OPHN1: variants seen among roughly 807,000 people sequenced by gnomAD.
OPHN1 encodes oligophrenin-1.
A neutral mutation model predicts 60.7 loss-of-function variants in OPHN1; 11 were observed. The observed-to-expected ratio is 0.18, with a 90% CI of 0.11 to 0.30. OPHN1 has a LOEUF of 0.30. Among genes scored for constraint, OPHN1 ranks in the 10% least tolerant of loss-of-function variants. OPHN1 has a pLI of 1.00. For synonymous variants in OPHN1, 226 were observed against 222.6 expected (o/e 1.02, Z -0.14); for missense variants, 449 against 611.0 (o/e 0.73, Z 2.80).
chrX:68,375,838 T>A (rs925561438), intron 2 of OPHN1, among the ~76,000 whole-genome samples: 1 of 111,484 alleles, frequency 9.0e-6, no homozygotes, highest in Non-Finnish European at 1.9e-5. Context: ...ACTATTATAA[T>A]CTTCATTTTA....
At position 68,433,276 on chromosome X, in the gene OPHN1, C is replaced by T; in HGVS notation, c.-113G>A. The T allele has an allele frequency of 2.6e-6, 1 of 383,390 alleles. No homozygotes were observed. Among genetic ancestry groups the T allele is most frequent in the Non-Finnish European group, 4.5e-6 (1 of 221,866 alleles). 31.6% of individuals were successfully genotyped at this position (383,390 alleles called of 1,213,427 possible). On this transcript the variant is annotated 5_prime_UTR_variant, in exon 1 of 25. Coordinates refer to ENST00000355520, the MANE Select transcript of OPHN1 (RefSeq NM_002547.3). ...GCTAACTATCGCAGTCGGATCCCGG[C>T]AGGGTGCTGCCTAGCAAGCAGCATG...
At chrX:68,428,819 C>A (rs1172784260) in intron 2 of OPHN1, among the ~76,000 whole-genome samples, 3 of 111,614 alleles carry the variant, frequency 2.7e-5, no homozygotes, top group Non-Finnish European at 5.6e-5. Context: ...AATATAGTCA[C>A]CTTTCAGAGG....
intron 2 of OPHN1, among the ~76,000 whole-genome samples, chrX:68,379,261 AT>A (rs995016454): frequency 1.8e-5 from 2 of 111,313 alleles, no homozygotes; most frequent in African/African-American, 6.5e-5. Context: ...AATGCTTATG[AT>A]TTTTGCACAT....
At chrX:68,418,623 G>A (rs1051573147) in intron 2 of OPHN1, among the ~76,000 whole-genome samples, 9 of 111,637 alleles carry the variant, frequency 8.1e-5, no homozygotes, top group Non-Finnish European at 1.5e-4. Flanking sequence ...CCACCTCTAG[G>A]AGCCAGAAGA....
At chrX:68,427,131 T>C (rs1205767183) in intron 2 of OPHN1, among the ~76,000 whole-genome samples, 1 of 103,150 alleles carries the variant, frequency 9.7e-6, no homozygotes, top group Non-Finnish European at 2.0e-5. Context: ...AGCATGGGCA[T>C]GGTGGCATGC....
rs148006295 is a variant in OPHN1, at chrX:68,293,928, G to A, written c.250+5073C>T. Among the ~76,000 whole-genome samples the A allele has an allele frequency of 4.6e-3, 504 of 110,733 alleles. 4 individuals carry two copies. Among genetic ancestry groups the A allele is most frequent in the African/African-American group, 0.016 (476 of 30,453 alleles). The stretch of plus-strand genomic sequence containing the variant: ...GAGAAGGCTTCCATGTTTATTCTCC[G>A]CATCATCCCGTCCCCCAATACATAT... On this transcript the variant is annotated intron_variant, in intron 3 of 24. Transcript: ENST00000355520.
intron 15 of OPHN1, among the ~76,000 whole-genome samples, chrX:68,190,522 A>G (rs2077483614): frequency 8.9e-6 from 1 of 111,750 alleles, no homozygotes; most frequent in Non-Finnish European, 1.9e-5. Context: ...TTCCTATGAG[A>G]GTTAATATTT....
At chrX:68,122,776 G>A (rs776089438) in intron 15 of OPHN1, among the ~76,000 whole-genome samples, 2 of 110,016 alleles carry the variant, frequency 1.8e-5, no homozygotes, top group African/African-American at 3.3e-5. Flanking sequence ...TTGAAGACAG[G>A]CTATTCGAAA....
intron 15 of OPHN1, among the ~76,000 whole-genome samples, chrX:68,183,678 T>TA (rs111338145): frequency 0.23 from 25,202 of 111,342 alleles, 2,601 homozygotes; most frequent in African/African-American, 0.37. Context: ...AAAATACAAT[T>TA]AAAAAATTAC....
intron 19 of OPHN1, among the ~76,000 whole-genome samples, chrX:68,074,999 C>T (rs1340460509): frequency 8.9e-6 from 1 of 112,393 alleles, no homozygotes; most frequent in Non-Finnish European, 1.9e-5. Flanking sequence ...CAAGATAGGG[C>T]ACAGAAACTA....
At chrX:68,148,560 T>C (rs2077273030) in intron 15 of OPHN1, among the ~76,000 whole-genome samples, 1 of 110,197 alleles carries the variant, frequency 9.1e-6, no homozygotes, top group Non-Finnish European at 1.9e-5. Context: ...GCAAATAAAA[T>C]TGAACAAGCT....
At chrX:68,169,908 A>T (rs2077381198) in intron 15 of OPHN1, among the ~76,000 whole-genome samples, 1 of 108,488 alleles carries the variant, frequency 9.2e-6, no homozygotes, top group South Asian at 3.9e-4. Flanking sequence ...AAGCAATGGC[A>T]ACAAAAGACA....
chrX:68,081,061 A>AT (rs1454328753), intron 19 of OPHN1, among the ~76,000 whole-genome samples: 37 of 111,186 alleles, frequency 3.3e-4, no homozygotes, highest in African/African-American at 1.1e-3. Flanking sequence ...GACAGCAGAG[A>AT]TTTTTTTTCG....
At chrX:68,416,059 TATATATATAGAGAGAGAG>T (rs1259147974) in intron 2 of OPHN1, among the ~76,000 whole-genome samples, 29 of 6,959 alleles carry the variant, frequency 4.2e-3, no homozygotes, top group African/African-American at 5.4e-3. Flanking sequence ...TATATATATA[TATATATATAGAGAGAGAG>T]AGAGAGAGAG....
intron 15 of OPHN1, among the ~76,000 whole-genome samples, chrX:68,173,280 A>G (rs2077399550): frequency 9.0e-6 from 1 of 111,019 alleles, no homozygotes; most frequent in Admixed American, 9.7e-5. Flanking sequence ...GTGAATAATA[A>G]ACTGTCTACA....
intron 15 of OPHN1, among the ~76,000 whole-genome samples, chrX:68,127,288 T>TGAC (rs1456065362): frequency 8.9e-6 from 1 of 111,805 alleles, no homozygotes; most frequent in South Asian, 3.8e-4. Flanking sequence ...TGATATAAGG[T>TGAC]GACAATGTGA....
rs1470018909 is a variant in OPHN1, at chrX:68,135,182, G to A, written c.1277-15850C>T. On this transcript the variant is annotated intron_variant, in intron 15 of 24. Transcript: ENST00000355520. Reference sequence around the variant, plus strand: ...AATTTCTGGAATATTCACGTTCGAAGATTCCTTATTAATGAATATCTTTGA... The same window carrying A: ...AATTTCTGGAATATTCACGTTCGAAAATTCCTTATTAATGAATATCTTTGA... 2.7e-5 allele frequency among the ~76,000 whole-genome samples: 3 copies of A among 111,809 alleles called. No individual in the cohort carries two copies. In the Admixed American group the frequency reaches 2.9e-4, roughly 11 times the overall value.
intron 2 of OPHN1, among the ~76,000 whole-genome samples, chrX:68,387,002 C>T (rs2078627586): frequency 9.6e-6 from 1 of 104,608 alleles, no homozygotes; most frequent in South Asian, 4.0e-4. Flanking sequence ...TTGAATGTCA[C>T]AGAGAAATGA....
At position 68,136,468 on chromosome X, in the gene OPHN1, T is replaced by C. The variant is rs1448254064; in HGVS notation, c.1277-17136A>G. The stretch of plus-strand genomic sequence containing the variant: ...ACAGGTGCCCACCACCACGCCTGGC[T>C]AATTTTTTGTATTTTTAGTAGAGAC... On this transcript the variant is annotated intron_variant, in intron 15 of 24. Coordinates refer to ENST00000355520, the MANE Select transcript of OPHN1 (RefSeq NM_002547.3). Among the ~76,000 whole-genome samples, 3 of 108,568 alleles carry C rather than the reference T, an allele frequency of 2.8e-5. No individual in the cohort carries two copies. The East Asian group carries it at 8.7e-4, about 31-fold the overall frequency. 94.3% of individuals were successfully genotyped at this position (108,568 alleles called of 115,157 possible).
Sources: gnomAD v4.1 joint callset for allele counts (sites outside exome capture counted in the v4.1 genomes callset) on GRCh38, gnomAD v4.1.1 for gene constraint, MANE v1.5 for transcripts, NCBI Gene and HGNC (gene_info 2026-07-23, HGNC 2026-07-21) for gene names.